The following KCNJ6 variants were observed in gnomAD, a reference collection of about 807,000 sequenced individuals.
The protein encoded by KCNJ6 is G protein-activated inward rectifier potassium channel 2.
KCNJ6 carries 9 observed loss-of-function variants against 34.2 expected under a neutral mutation model. That is an observed-to-expected ratio of 0.26 (90% CI 0.16 to 0.46). The LOEUF (loss-of-function observed/expected upper bound fraction) is 0.46. Among genes scored for constraint, KCNJ6 ranks in the 20% least tolerant of loss-of-function variants. KCNJ6 has a pLI of 1.00. For missense variants in KCNJ6, 236 were observed against 531.3 expected (o/e 0.44, Z 5.46); for synonymous variants, 196 against 207.1 (o/e 0.95, Z 0.46).
At chr21:37,915,097 C>A (rs2055887101) in intron 1 of KCNJ6, among the ~76,000 whole-genome samples, 2 of 152,106 alleles carry the variant, frequency 1.3e-5, no homozygotes, top group South Asian at 4.1e-4. Flanking sequence ...ATCCACTGGG[C>A]TTTTATTGGG....
intron 2 of KCNJ6, among the ~76,000 whole-genome samples, chr21:37,741,353 C>G (rs752472203): frequency 6.6e-6 from 1 of 152,134 alleles, no homozygotes; most frequent in Non-Finnish European, 1.5e-5. Context: ...TCCTGTTGGG[C>G]TTGGCTCATG....
chr21:37,625,614 T>C, intron 3 of KCNJ6, 130 bp from the exon 4 acceptor site: 1 of 633,786 alleles, frequency 1.6e-6, no homozygotes, highest in Non-Finnish European at 2.7e-6. Flanking sequence ...CCACACTTAG[T>C]AGGTGTCATT....
rs35281433 is a variant in KCNJ6 at position 37,607,484 on chromosome 21, T to TATATATATATATA, written c.*17674_*17675insTATATATATATAT. 110 of 62,166 alleles carry TATATATATATATA rather than the reference T, an allele frequency of 1.8e-3. No individual in the cohort carries two copies. The highest frequency in any genetic ancestry group is 8.2e-3 in the Middle Eastern group (1 of 122). 3.9% of individuals were successfully genotyped at this position (62,166 alleles called of 1,614,324 possible). A position where few individuals can be genotyped will look rare whatever the true frequency, so the allele number is the denominator to read the frequency against. On this transcript the variant is annotated 3_prime_UTR_variant, in exon 4 of 4. Transcript: ENST00000609713. ...TAAAGATATATATATATATATATATTTTTTTTTTATTTTAAAAAAATTTGG... is the reference window on the plus strand; with the variant it reads ...TAAAGATATATATATATATATATATTATATATATATATATTTTTTTTATTTTAAAAAAATTTGG...
chr21:37,642,218 C>A (rs1327020763), intron 3 of KCNJ6, among the ~76,000 whole-genome samples: 1 of 151,778 alleles, frequency 6.6e-6, no homozygotes, highest in Non-Finnish European at 1.5e-5. Flanking sequence ...TGGGAGGGGG[C>A]GAGATTGCCT....
In KCNJ6 at chr21:37,842,460, G is replaced by C. The variant is rs117851043; in HGVS notation, c.-27-1751C>G. On this transcript the variant is annotated intron_variant, in intron 1 of 3. Transcript: ENST00000609713. The stretch of plus-strand genomic sequence containing the variant: ...TGATTGAATGGCAACAAACAACTTC[G>C]CACATGGCAAGTATTCTTGATTTCC... 5.2e-3 allele frequency among the ~76,000 whole-genome samples: 786 copies of C among 152,266 alleles called. 5 individuals carry two copies. The highest frequency in any genetic ancestry group is 8.1e-3 in the Non-Finnish European group (550 of 68,020).
At chr21:37,798,525 T>G (rs1159949687) in intron 2 of KCNJ6, among the ~76,000 whole-genome samples, 1 of 152,192 alleles carries the variant, frequency 6.6e-6, no homozygotes, top group African/African-American at 2.4e-5. Flanking sequence ...ACAACTCAAA[T>G]GTACATCAAC....
At chr21:37,745,120 G>T (rs2054961489) in intron 2 of KCNJ6, among the ~76,000 whole-genome samples, 1 of 133,142 alleles carries the variant, frequency 7.5e-6, no homozygotes, top group African/African-American at 3.0e-5. Context: ...TGACAGACAG[G>T]GTCTTGCTGT....
intron 2 of KCNJ6, among the ~76,000 whole-genome samples, chr21:37,761,686 C>T (rs149089397): frequency 1.5e-3 from 147 of 95,742 alleles, no homozygotes; most frequent in Middle Eastern, 0.019. Flanking sequence ...TGTATATTTG[C>T]GTGTGTGTTG....
At position 37,614,295 on chromosome 21, in the gene KCNJ6, T is replaced by G. The variant is rs373335902; in HGVS notation, c.*10864A>C. The G allele has an allele frequency of 1.3e-5, 2 of 152,282 alleles. No homozygotes were observed. The highest frequency in any genetic ancestry group is 3.9e-4 in the East Asian group (2 of 5,178). 9.4% of individuals were successfully genotyped at this position (152,282 alleles called of 1,614,324 possible). A position where few individuals can be genotyped will look rare whatever the true frequency, so the allele number is the denominator to read the frequency against. On this transcript the variant is annotated 3_prime_UTR_variant, in exon 4 of 4. Transcript: ENST00000609713. Reference sequence around the variant, plus strand: ...GCATGCAGGGGAGGAACGCCAATCTTAAGGCTTTGATTTCTGGAAATTTAC... The same window carrying G: ...GCATGCAGGGGAGGAACGCCAATCTGAAGGCTTTGATTTCTGGAAATTTAC...
chr21:37,902,781 CTT>C (rs758111790), intron 1 of KCNJ6, among the ~76,000 whole-genome samples: 3 of 152,200 alleles, frequency 2.0e-5, no homozygotes, highest in Non-Finnish European at 2.9e-5. Context: ...GAGAACATGA[CTT>C]TGCATTTTGG....
rs190099650 is a variant in KCNJ6, at chr21:37,736,734, T to G, written c.26-21603A>C. Among the ~76,000 whole-genome samples, 21 of 152,298 alleles carry G rather than the reference T, an allele frequency of 1.4e-4. No homozygotes were observed. The East Asian group carries it at 4.1e-3, about 29-fold the overall frequency. ...GCCTGGGCAGCCTACATCCCAGCCC[T>G]GTTAAGGTACTGTTCACCTCTGCAG... On this transcript the variant is annotated intron_variant, in intron 2 of 3. Coordinates refer to ENST00000609713, the MANE Select transcript of KCNJ6 (RefSeq NM_002240.5).
At chr21:37,697,971 T>A (rs1295028328) in intron 3 of KCNJ6, among the ~76,000 whole-genome samples, 1 of 151,904 alleles carries the variant, frequency 6.6e-6, no homozygotes, top group African/African-American at 2.4e-5. Flanking sequence ...GTGTGAGGAG[T>A]TGGGACACTT....
intron 2 of KCNJ6, among the ~76,000 whole-genome samples, chr21:37,779,851 G>T (rs138432142): frequency 1.6e-3 from 246 of 152,314 alleles, no homozygotes; most frequent in Non-Finnish European, 3.2e-3. Flanking sequence ...AAATAAGAAT[G>T]CAACAGTGTA....
At chr21:37,659,673 T>G (rs2054479455) in intron 3 of KCNJ6, among the ~76,000 whole-genome samples, 1 of 152,148 alleles carries the variant, frequency 6.6e-6, no homozygotes, top group African/African-American at 2.4e-5. Context: ...TAGCCTCAAT[T>G]TCCCCATCTG....
chr21:37,754,210 C>A (rs1157044089), intron 2 of KCNJ6, among the ~76,000 whole-genome samples: 1 of 152,120 alleles, frequency 6.6e-6, no homozygotes, highest in Non-Finnish European at 1.5e-5. Context: ...AAGCTGCATC[C>A]CTGGTATCTT....
At chr21:37,798,683 T>C (rs181457212) in intron 2 of KCNJ6, among the ~76,000 whole-genome samples, 3 of 152,314 alleles carry the variant, frequency 2.0e-5, no homozygotes, top group Admixed American at 2.0e-4. Flanking sequence ...CCATAGATGG[T>C]GTGATTCCAT....
At chr21:37,627,420 A>G (rs2054316088) in intron 3 of KCNJ6, among the ~76,000 whole-genome samples, 1 of 152,140 alleles carries the variant, frequency 6.6e-6, no homozygotes, top group Non-Finnish European at 1.5e-5. Context: ...CTTCTGAATT[A>G]TTTTCTTTAT....
At chr21:37,633,833 G>A (rs1368004910) in intron 3 of KCNJ6, among the ~76,000 whole-genome samples, 2 of 152,038 alleles carry the variant, frequency 1.3e-5, no homozygotes, top group African/African-American at 4.8e-5. Flanking sequence ...GATATATCAT[G>A]TTCATGGATA....
At chr21:37,757,567 A>G (rs1047205279) in intron 2 of KCNJ6, among the ~76,000 whole-genome samples, 24 of 150,784 alleles carry the variant, frequency 1.6e-4, no homozygotes, top group Admixed American at 3.3e-4. Context: ...TGATGGTTCC[A>G]GCCCAAGTGA....
Sources: gnomAD v4.1 joint callset for allele counts (sites outside exome capture counted in the v4.1 genomes callset) on GRCh38, gnomAD v4.1.1 for gene constraint, MANE v1.5 for transcripts, NCBI Gene and HGNC (gene_info 2026-07-23, HGNC 2026-07-21) for gene names.